Variants in NRXN1 observed in about 807,000 individuals in gnomAD.
NRXN1 encodes neurexin 1, also known as neurexin-1.
In NRXN1, 39 loss-of-function variants were observed where a neutral mutation model predicts 150.9. That is an observed-to-expected ratio of 0.26 (90% confidence interval 0.20 to 0.34). The LOEUF is 0.34. Ranked by LOEUF, NRXN1 falls within the 10% of genes least tolerant of loss-of-function variation. The pLI is 1.00. For missense variants in NRXN1, 1,815 were observed against 1,949.9 expected (o/e 0.93, Z 1.30); for synonymous variants, 924 against 757.0 (o/e 1.22, Z -3.62).
rs927662262 is a variant in NRXN1 at position 50,145,208 on chromosome 2, C to T, written c.3547-53714G>A. ...GAAAAGGTGCAAAAAAAGCACAAAA[C>T]ATCCCTTTACCCAAGTTCACCTATT... On this transcript the variant is annotated intron_variant, in intron 18 of 22. Transcript: ENST00000401669. Among the ~76,000 whole-genome samples the T allele has an allele frequency of 5.3e-5, 8 of 151,656 alleles. No individual in the cohort carries two copies. The South Asian group carries it at 6.2e-4, about 12-fold the overall frequency.
At chr2:50,873,368 C>G (rs375277014) in intron 5 of NRXN1, among the ~76,000 whole-genome samples, 35 of 151,870 alleles carry the variant, frequency 2.3e-4, no homozygotes, top group African/African-American at 8.4e-4. Context: ...GGGGTAATTG[C>G]TAATGCACTG....
chr2:50,604,870 T>C (rs1183232604), intron 8 of NRXN1, among the ~76,000 whole-genome samples: 3 of 152,160 alleles, frequency 2.0e-5, no homozygotes, highest in Non-Finnish European at 4.4e-5. Flanking sequence ...ATCTCTACCA[T>C]CACAAAAATT....
intron 5 of NRXN1, among the ~76,000 whole-genome samples, chr2:50,897,465 G>A (rs1427700038): frequency 6.6e-6 from 1 of 152,096 alleles, no homozygotes; most frequent in Non-Finnish European, 1.5e-5. Flanking sequence ...GATTATTTTA[G>A]GTGCTGAAGG....
intron 17 of NRXN1, among the ~76,000 whole-genome samples, chr2:50,260,735 C>G (rs2068181465): frequency 6.9e-6 from 1 of 145,008 alleles, no homozygotes; most frequent in Non-Finnish European, 1.5e-5. Flanking sequence ...AAGACAGTAT[C>G]AGAGCAGTGT....
chr2:50,043,279 C>T (rs13031235), intron 21 of NRXN1, among the ~76,000 whole-genome samples: 130,917 of 152,184 alleles, frequency 0.86, 56,633 homozygotes, highest in African/African-American at 0.95. Flanking sequence ...AAAATTCTCT[C>T]TTTGGACAGT....
intron 22 of NRXN1, among the ~76,000 whole-genome samples, chr2:49,930,461 G>A (rs1669938017): frequency 6.6e-6 from 1 of 152,180 alleles, no homozygotes; most frequent in Admixed American, 6.5e-5. Flanking sequence ...AAGTGGAGAA[G>A]AGATCTCAAT....
chr2:50,367,206 T>C (rs931806738), intron 17 of NRXN1, among the ~76,000 whole-genome samples: 3 of 151,808 alleles, frequency 2.0e-5, no homozygotes, highest in African/African-American at 7.3e-5. Flanking sequence ...CAGAAGAAAA[T>C]GTCGTTGAGT....
At chr2:50,116,531 T>TA (rs1488565577) in intron 18 of NRXN1, among the ~76,000 whole-genome samples, 1 of 152,038 alleles carries the variant, frequency 6.6e-6, no homozygotes, top group African/African-American at 2.4e-5. Flanking sequence ...GCTCTCTGCT[T>TA]AAAAAGGGAC....
At chr2:50,186,852 A>G (rs1574389770) in intron 18 of NRXN1, among the ~76,000 whole-genome samples, 2 of 152,020 alleles carry the variant, frequency 1.3e-5, no homozygotes, top group African/African-American at 4.8e-5. Flanking sequence ...TTTCAAAATG[A>G]CTCAACCCAA....
intron 5 of NRXN1, among the ~76,000 whole-genome samples, chr2:50,881,249 C>A (rs1254193236): frequency 6.6e-6 from 1 of 151,850 alleles, no homozygotes; most frequent in Non-Finnish European, 1.5e-5. Context: ...CTTCATCTTC[C>A]TGTTTTCTTT....
At chr2:50,334,241 C>T (rs1382865112) in intron 17 of NRXN1, among the ~76,000 whole-genome samples, 1 of 132,392 alleles carries the variant, frequency 7.6e-6, no homozygotes, top group Non-Finnish European at 1.6e-5. Context: ...ACGGGCCTCA[C>T]GTCTAGGCAA....
intron 17 of NRXN1, among the ~76,000 whole-genome samples, chr2:50,261,528 T>C (rs533469720): frequency 2.2e-4 from 34 of 151,932 alleles, no homozygotes; most frequent in African/African-American, 7.7e-4. Context: ...AAAGCCTCCA[T>C]AGACTTAAGT....
chr2:50,975,608 T>C (rs1238564242), intron 2 of NRXN1, among the ~76,000 whole-genome samples: 1 of 152,124 alleles, frequency 6.6e-6, no homozygotes, highest in Non-Finnish European at 1.5e-5. Context: ...TCTTGAAATA[T>C]ATTTAACACT....
At chr2:49,987,806 A>G (rs995733204) in intron 21 of NRXN1, among the ~76,000 whole-genome samples, 1 of 151,932 alleles carries the variant, frequency 6.6e-6, no homozygotes, top group Non-Finnish European at 1.5e-5. Flanking sequence ...AGAAACTAGA[A>G]TTCTAGAGAA....
intron 17 of NRXN1, among the ~76,000 whole-genome samples, chr2:50,295,115 C>T (rs1159824663): frequency 6.6e-6 from 1 of 152,174 alleles, no homozygotes. Context: ...TGTTCTTTTT[C>T]CTGTTTCTGC....
chr2:50,526,769 T>C (rs1318404040), intron 12 of NRXN1: 1 of 152,204 alleles, frequency 6.6e-6, no homozygotes, highest in Non-Finnish European at 1.5e-5. Context: ...TCCTGTCCGA[T>C]GTGTACACTG....
intron 5 of NRXN1, among the ~76,000 whole-genome samples, chr2:50,645,802 C>T (rs1338634158): frequency 6.6e-6 from 1 of 151,904 alleles, no homozygotes. Context: ...GATTACAGAG[C>T]TCAAAGAATG....
intron 17 of NRXN1, among the ~76,000 whole-genome samples, chr2:50,356,630 C>T (rs1050106241): frequency 2.6e-5 from 4 of 152,064 alleles, no homozygotes; most frequent in African/African-American, 4.8e-5. Flanking sequence ...TTCCTGGTTG[C>T]GTTCAAGTAC....
chr2:50,097,812 T>C (rs942150958), intron 18 of NRXN1, among the ~76,000 whole-genome samples: 2 of 152,056 alleles, frequency 1.3e-5, no homozygotes, highest in Non-Finnish European at 2.9e-5. Flanking sequence ...GCTAATAATG[T>C]ATTTTTGGTA....
Sources: allele counts gnomAD v4.1 joint callset (sites outside exome capture counted in the v4.1 genomes callset), GRCh38; gene constraint gnomAD v4.1.1; transcripts MANE v1.5; gene names NCBI Gene and HGNC (gene_info 2026-07-23, HGNC 2026-07-21).